The following ROBO1 variants were observed in gnomAD, a reference collection of about 807,000 sequenced individuals.
ROBO1 encodes roundabout homolog 1.
ROBO1 carries 149 observed loss-of-function variants against 195.9 expected under a neutral mutation model. That is an observed-to-expected ratio of 0.76 (90% confidence interval 0.67 to 0.87). The LOEUF (loss-of-function observed/expected upper bound fraction) is 0.87, where lower values mean the gene tolerates loss of function less well. ROBO1 is among the 40% of genes least tolerant of loss of function. ROBO1 has a pLI of 0.00. For missense variants in ROBO1, 1,933 were observed against 2,068.3 expected (o/e 0.93, Z 1.27); for synonymous variants, 816 against 733.2 (o/e 1.11, Z -1.82).
chr3:79,219,975 G>GAT (rs2082110108), intron 2 of ROBO1, among the ~76,000 whole-genome samples: 1 of 152,012 alleles, frequency 6.6e-6, no homozygotes, highest in Admixed American at 6.6e-5. Flanking sequence ...ATCAGTTAGT[G>GAT]ATATATATGG....
intron 2 of ROBO1, among the ~76,000 whole-genome samples, chr3:79,523,434 C>CA (rs1941293815): frequency 6.8e-6 from 1 of 147,764 alleles, no homozygotes; most frequent in African/African-American, 2.5e-5. Flanking sequence ...AAAAAGCCCA[C>CA]AAAAAATAGA....
At chr3:79,653,071 T>A (rs978526555) in intron 1 of ROBO1, among the ~76,000 whole-genome samples, 2 of 151,834 alleles carry the variant, frequency 1.3e-5, no homozygotes, top group African/African-American at 2.4e-5. Flanking sequence ...CAATTTGGAA[T>A]TTTTATTATT....
chr3:78,884,864 T>TGTGTG (rs2036449413), intron 4 of ROBO1, among the ~76,000 whole-genome samples: 11 of 67,552 alleles, frequency 1.6e-4, no homozygotes, highest in Admixed American at 3.8e-4. Flanking sequence ...CTCTCTCTCT[T>TGTGTG]TCTGTGTGTG....
chr3:79,536,954 A>T (rs1013700840), intron 2 of ROBO1, among the ~76,000 whole-genome samples: 1 of 152,152 alleles, frequency 6.6e-6, no homozygotes, highest in African/African-American at 2.4e-5. Flanking sequence ...AATCTATTTA[A>T]GCATTTTGGC....
intron 3 of ROBO1, among the ~76,000 whole-genome samples, chr3:79,003,206 C>T (rs575248404): frequency 6.6e-6 from 1 of 152,082 alleles, no homozygotes; most frequent in Non-Finnish European, 1.5e-5. Context: ...GGCAATCTGC[C>T]CAGAAATCTG....
At chr3:79,049,622 G>GA (rs1559620455) in intron 3 of ROBO1, among the ~76,000 whole-genome samples, 2 of 152,152 alleles carry the variant, frequency 1.3e-5, no homozygotes, top group Middle Eastern at 3.4e-3. Context: ...TGACATGAAA[G>GA]AAAAAATGTT....
chr3:79,236,818 G>C (rs1441314830), intron 2 of ROBO1, among the ~76,000 whole-genome samples: 2 of 152,134 alleles, frequency 1.3e-5, no homozygotes, highest in Admixed American at 6.5e-5. Flanking sequence ...TTAATTTGCT[G>C]ACTGACATTG....
chr3:79,126,774 C>T (rs2080223913), intron 2 of ROBO1, among the ~76,000 whole-genome samples: 1 of 152,108 alleles, frequency 6.6e-6, no homozygotes, highest in Non-Finnish European at 1.5e-5. Context: ...TACTGCCCCT[C>T]TAGAAACATC....
intron 2 of ROBO1, among the ~76,000 whole-genome samples, chr3:79,465,055 T>TA (rs1937882934): frequency 6.6e-6 from 1 of 152,194 alleles, no homozygotes; most frequent in Non-Finnish European, 1.5e-5. Context: ...CACTCCTAGT[T>TA]AAACTTGAAT....
At chr3:79,349,923 A>C (rs1235274689) in intron 2 of ROBO1, among the ~76,000 whole-genome samples, 1 of 152,212 alleles carries the variant, frequency 6.6e-6, no homozygotes, top group Non-Finnish European at 1.5e-5. Flanking sequence ...GAAATGCATG[A>C]GCAACAATAG....
chr3:78,669,935 C>G (rs913406729), intron 11 of ROBO1, among the ~76,000 whole-genome samples, 161 bp downstream of exon 11: 1 of 152,104 alleles, frequency 6.6e-6, no homozygotes, highest in Non-Finnish European at 1.5e-5. Flanking sequence ...CAAACATATA[C>G]AATGAAATAT....
intron 3 of ROBO1, among the ~76,000 whole-genome samples, chr3:78,971,620 C>T (rs2076768286): frequency 6.6e-6 from 1 of 152,196 alleles, no homozygotes; most frequent in Non-Finnish European, 1.5e-5. Flanking sequence ...CCTGATATAC[C>T]TCTAACCTGC....
At chr3:78,733,515 T>C (rs2082327448) in intron 5 of ROBO1, among the ~76,000 whole-genome samples, 1 of 152,182 alleles carries the variant, frequency 6.6e-6, no homozygotes, top group Admixed American at 6.5e-5. Flanking sequence ...GTAAACTTTT[T>C]AAAAATAGGG....
chr3:78,995,087 T>A (rs1231968135), intron 3 of ROBO1, among the ~76,000 whole-genome samples: 1 of 152,180 alleles, frequency 6.6e-6, no homozygotes, highest in East Asian at 1.9e-4. Flanking sequence ...CCTTATACTT[T>A]TAATACTGAC....
intron 1 of ROBO1, among the ~76,000 whole-genome samples, chr3:79,679,557 A>C (rs1281120154): frequency 6.6e-6 from 1 of 152,044 alleles, no homozygotes; most frequent in Admixed American, 6.6e-5. Flanking sequence ...TAAATGTTCA[A>C]ATGTAATGTT....
At chr3:79,629,061 A>G (rs1179362746) in intron 1 of ROBO1, among the ~76,000 whole-genome samples, 4 of 152,192 alleles carry the variant, frequency 2.6e-5, no homozygotes, top group Non-Finnish European at 5.9e-5. Flanking sequence ...TGGAACTTCA[A>G]CACTCCACTG....
At chr3:79,196,985 T>G (rs1403047914) in intron 2 of ROBO1, among the ~76,000 whole-genome samples, 2 of 151,726 alleles carry the variant, frequency 1.3e-5, no homozygotes, top group African/African-American at 4.8e-5. Flanking sequence ...ACTACCTACA[T>G]AGTTTACTTA....
rs1430732964 is a variant in ROBO1 at position 78,753,066 on chromosome 3, C to T, written c.500-6166G>A. ...TGTACATTCTGAAAATCTGATATAG[C>T]GGATGGATGGCAAATATCACTCAAC... On this transcript the variant is annotated intron_variant, in intron 4 of 30. Transcript: ENST00000464233. Among the ~76,000 whole-genome samples the T allele has an allele frequency of 1.1e-4, 17 of 152,008 alleles. No homozygotes were observed. In the East Asian group the frequency reaches 1.2e-3, roughly 10 times the overall value.
intron 5 of ROBO1, among the ~76,000 whole-genome samples, chr3:78,737,565 G>C (rs894909441): frequency 2.6e-5 from 4 of 152,184 alleles, no homozygotes; most frequent in Admixed American, 6.5e-5. Flanking sequence ...ACAATGAAAT[G>C]TATAGAGATC....
Sources: allele counts gnomAD v4.1 joint callset (sites outside exome capture counted in the v4.1 genomes callset), GRCh38; gene constraint gnomAD v4.1.1; transcripts MANE v1.5; gene names NCBI Gene and HGNC (gene_info 2026-07-23, HGNC 2026-07-21).